The following WNT7A variants were observed in gnomAD, a reference collection of about 807,000 sequenced individuals.
The protein encoded by WNT7A is Wnt family member 7A.
In WNT7A, 16 loss-of-function variants were observed where a neutral mutation model predicts 28.2. The ratio of observed to expected loss-of-function variants is 0.57; its 90% CI spans 0.38 to 0.86. The LOEUF (loss-of-function observed/expected upper bound fraction) is 0.86. Ranked by LOEUF, WNT7A falls within the 40% of genes least tolerant of loss-of-function variation. The pLI, the probability that WNT7A is intolerant of heterozygous loss-of-function variation, is 0.00. For synonymous variants in WNT7A, 190 were observed against 195.9 expected, an observed-to-expected ratio of 0.97 and a Z score of 0.25; for missense variants, 411 against 489.7, an observed-to-expected ratio of 0.84 and a Z score of 1.52.
intron 2 of WNT7A, among the ~76,000 whole-genome samples, chr3:13,870,718 G>C (rs895924344): frequency 2.6e-5 from 4 of 152,194 alleles, no homozygotes; most frequent in Admixed American, 2.6e-4. Flanking sequence ...CTCTTTCTGG[G>C]GGTACTTGAA....
chr3:13,845,518 A>C (rs1247704731), intron 3 of WNT7A, among the ~76,000 whole-genome samples: 2 of 152,216 alleles, frequency 1.3e-5, no homozygotes, highest in African/African-American at 4.8e-5. Flanking sequence ...TTAATCATGT[A>C]ATCTTCATAA....
At chr3:13,865,498 A>T (rs757859410) in intron 2 of WNT7A, among the ~76,000 whole-genome samples, 6 of 152,198 alleles carry the variant, frequency 3.9e-5, no homozygotes, top group Non-Finnish European at 7.3e-5. Flanking sequence ...CATTAAAAAG[A>T]TCTTGATGAG....
chr3:13,827,568 G>C (rs1351086637), intron 3 of WNT7A, among the ~76,000 whole-genome samples: 2 of 152,094 alleles, frequency 1.3e-5, no homozygotes, highest in Admixed American at 1.3e-4. Context: ...AGATACTATC[G>C]AATTTGGTGC....
chr3:13,818,368 A>AAAAAAAAAAAAAAG lies in WNT7A; in HGVS notation c.*575_*576insCTTTTTTTTTTTTT, dbSNP rs1575056906. The AAAAAAAAAAAAAAG allele has an allele frequency of 1.3e-5, 2 of 150,042 alleles. No homozygotes were observed. Among genetic ancestry groups the AAAAAAAAAAAAAAG allele is most frequent in the African/African-American group, 4.9e-5 (2 of 40,604 alleles). 9.3% of individuals were successfully genotyped at this position (150,042 alleles called of 1,614,324 possible). ...GCAAACAGCAAAAAAAAAAAAAAAAATGTGTGTGTGTATATCTATATATGC... is the reference window on the plus strand; with the variant it reads ...GCAAACAGCAAAAAAAAAAAAAAAAAAAAAAAAAAAAAAGTGTGTGTGTGTATATCTATATATGC... On this transcript the variant is annotated 3_prime_UTR_variant, in exon 4 of 4. Coordinates refer to ENST00000285018, the MANE Select transcript of WNT7A (RefSeq NM_004625.4).
Position 13,818,410 on chromosome 3 carries a change from C to T in WNT7A, c.*534G>A, listed in dbSNP as rs1694051047. 2 of 141,920 alleles carry T rather than the reference C, an allele frequency of 1.4e-5. No homozygotes were observed. The highest frequency in any genetic ancestry group is 7.1e-5 in the Admixed American group (1 of 14,148). 8.8% of individuals were successfully genotyped at this position (141,920 alleles called of 1,614,324 possible). Reference sequence around the variant, plus strand: ...TATATATGCATAAAAGATGTCTCCTCTTGTACTTAAACATCTAGTGCTGCA... The same window carrying T: ...TATATATGCATAAAAGATGTCTCCTTTTGTACTTAAACATCTAGTGCTGCA... On this transcript the variant is annotated 3_prime_UTR_variant, in exon 4 of 4. Coordinates refer to ENST00000285018, the MANE Select transcript of WNT7A (RefSeq NM_004625.4).
chr3:13,854,618 A>T lies in WNT7A; in HGVS notation c.484T>A (p.Phe162Ile). The T allele has an allele frequency of 6.2e-7, 1 of 1,614,180 alleles. No individual in the cohort carries two copies. The highest frequency in any genetic ancestry group is 8.5e-7 in the Non-Finnish European group (1 of 1,180,040). Residue 162 changes from phenylalanine to isoleucine, a missense_variant, in exon 3 of 4, where the codon TTC becomes ATC. Transcript: ENST00000285018. ...CSADIRYGIG[F>I]AKVFVDAREI... is the part of the protein sequence containing the mutation. ...CGGGCATCCACAAAGACCTTGGCGA[A>T]GCCGATGCCGTAGCGGATGTCGGCA...
At chr3:13,870,845 T>C (rs1301894633) in intron 2 of WNT7A, among the ~76,000 whole-genome samples, 1 of 152,244 alleles carries the variant, frequency 6.6e-6, no homozygotes, top group African/African-American at 2.4e-5. Context: ...GTCAGCACCA[T>C]GCCCTGGCTC....
At position 13,817,468 on chromosome 3, in the gene WNT7A, ACAC is replaced by A. The variant is rs1559292419; in HGVS notation, c.*1473_*1475del. On this transcript the variant is annotated 3_prime_UTR_variant, in exon 4 of 4. Transcript: ENST00000285018. ...CACACACACACACACACACACACAC[ACAC>A]CGGAAATGCAAACGGACACATATTA... is the stretch of plus-strand genomic sequence containing the variant. The A allele has an allele frequency of 7.4e-6, 1 of 135,162 alleles. No homozygotes were observed. Among genetic ancestry groups the A allele is most frequent in the East Asian group, 2.4e-4 (1 of 4,202 alleles). 8.4% of individuals were successfully genotyped at this position (135,162 alleles called of 1,614,324 possible).
At chr3:13,848,948 A>C (rs1248378511) in intron 3 of WNT7A, among the ~76,000 whole-genome samples, 1 of 152,244 alleles carries the variant, frequency 6.6e-6, no homozygotes, top group Non-Finnish European at 1.5e-5. Flanking sequence ...ACAACACTTG[A>C]AGGAGGCTTG....
chr3:13,835,100 G>A (rs1473232527), intron 3 of WNT7A, among the ~76,000 whole-genome samples: 1 of 152,222 alleles, frequency 6.6e-6, no homozygotes, highest in Admixed American at 6.5e-5. Context: ...GGAAGAGCAT[G>A]GGCAAAGGCC....
chr3:13,819,467 G>A (rs375254806), intron 3 of WNT7A, 44 bp from the exon 4 acceptor site: 38 of 1,596,764 alleles, frequency 2.4e-5, no homozygotes, highest in Non-Finnish European at 3.0e-5. Context: ...GTCACTGCAC[G>A]CCAAGGCCAA....
chr3:13,841,990 G>C (rs770656518), intron 3 of WNT7A, among the ~76,000 whole-genome samples: 11 of 152,262 alleles, frequency 7.2e-5, no homozygotes, highest in Non-Finnish European at 1.5e-4. Flanking sequence ...AAGTGCAAGG[G>C]ACCTGGGGCA....
At chr3:13,849,785 G>C (rs1305209041) in intron 3 of WNT7A, among the ~76,000 whole-genome samples, 1 of 152,212 alleles carries the variant, frequency 6.6e-6, no homozygotes, top group Non-Finnish European at 1.5e-5. Flanking sequence ...CAAGGAGCTA[G>C]TTCTGCAAAG....
At chr3:13,849,377 GT>G (rs1345606754) in intron 3 of WNT7A, among the ~76,000 whole-genome samples, 2 of 152,194 alleles carry the variant, frequency 1.3e-5, no homozygotes, top group African/African-American at 4.8e-5. Flanking sequence ...TTGTGCAATA[GT>G]TTGGACGTAC....
chr3:13,821,003 C>T (rs559027649), intron 3 of WNT7A, among the ~76,000 whole-genome samples: 21 of 152,338 alleles, frequency 1.4e-4, no homozygotes, highest in Non-Finnish European at 2.5e-4. Context: ...ATGAGCAGCC[C>T]CTTCAAATGC....
chr3:13,816,808 T>C lies in WNT7A; in HGVS notation c.*2136A>G, dbSNP rs1694011764. The C allele has an allele frequency of 6.6e-6, 1 of 152,028 alleles. No individual in the cohort carries two copies. The highest frequency in any genetic ancestry group is 1.5e-5 in the Non-Finnish European group (1 of 67,976). The allele number at this position is 152,028 out of a possible 1,614,324, so 9.4% of individuals were successfully genotyped here. A position where few individuals can be genotyped will look rare whatever the true frequency, so the allele number is the denominator to read the frequency against. On this transcript the variant is annotated 3_prime_UTR_variant, in exon 4 of 4. Transcript: ENST00000285018. ...ATCTACCCATCCATCCATTTATCCA[T>C]TCACCCACCCACCTACTTATCCATC... is the stretch of plus-strand genomic sequence containing the variant.
chr3:13,856,828 A>T (rs1162637261), intron 2 of WNT7A, among the ~76,000 whole-genome samples: 1 of 151,382 alleles, frequency 6.6e-6, no homozygotes, highest in Non-Finnish European at 1.5e-5. Flanking sequence ...GAAGAAGAAG[A>T]TGAAGGAGAA....
rs73017601 is a variant in WNT7A, at chr3:13,836,764, C to A, written c.571-17341G>T. On this transcript the variant is annotated intron_variant, in intron 3 of 3. Transcript: ENST00000285018. ...GCCCATGAGCAGTTGGAGGAAGTGA[C>A]CTGTGGGGTTTGAAGGATGAAGAGG... is the stretch of plus-strand genomic sequence containing the variant. Among the ~76,000 whole-genome samples, 1,014 of 152,280 alleles carry A rather than the reference C, an allele frequency of 6.7e-3. 12 individuals are homozygous for A. Among genetic ancestry groups the A allele is most frequent in the Non-Finnish European group, 0.01 (711 of 68,020 alleles).
intron 2 of WNT7A, among the ~76,000 whole-genome samples, chr3:13,869,312 A>AGAGG (rs1445460754): frequency 7.2e-6 from 1 of 139,200 alleles, no homozygotes; most frequent in Non-Finnish European, 1.6e-5. Flanking sequence ...GAAGAGGGAA[A>AGAGG]GAGGGAGGGA....
Sources: gnomAD v4.1 joint callset for allele counts (sites outside exome capture counted in the v4.1 genomes callset) on GRCh38, gnomAD v4.1.1 for gene constraint, MANE v1.5 for transcripts, NCBI Gene and HGNC (gene_info 2026-07-23, HGNC 2026-07-21) for gene names.